RPSA2: variants seen among roughly 807,000 people sequenced by gnomAD.
The protein encoded by RPSA2 is small ribosomal subunit protein uS2B.
chr19:23,767,608 G>C, the RPSA2 span, among the ~76,000 whole-genome samples: 5 of 152,174 alleles, frequency 3.3e-5, no homozygotes, highest in African/African-American at 1.2e-4. Flanking sequence ...TGGTCACTGA[G>C]TAATTTAATA....
At chr19:23,761,122 C>T in the RPSA2 span, among the ~76,000 whole-genome samples, 2 of 151,418 alleles carry the variant, frequency 1.3e-5, no homozygotes, top group African/African-American at 4.9e-5. Flanking sequence ...AGGTCTCACT[C>T]TGTCATCCAG....
At chr19:23,761,028 CACAT>C in the RPSA2 span, among the ~76,000 whole-genome samples, 5 of 1,336 alleles carry the variant, frequency 3.7e-3, no homozygotes, top group Non-Finnish European at 0.016. Flanking sequence ...TATATATATA[CACAT>C]ATATATAGGG....
the RPSA2 span, among the ~76,000 whole-genome samples, chr19:23,797,763 G>T: frequency 1.3e-5 from 2 of 152,146 alleles, no homozygotes; most frequent in Non-Finnish European, 2.9e-5. Flanking sequence ...ATGAACCCAT[G>T]AATTTTATAT....
chr19:23,778,995 CTTTTTTT>C, the RPSA2 span, among the ~76,000 whole-genome samples: 1 of 80,696 alleles, frequency 1.2e-5, no homozygotes, highest in Non-Finnish European at 2.1e-5. Context: ...TTTTGTGACA[CTTTTTTT>C]TTTTTTTTTT....
At chr19:23,846,248 T>C in the RPSA2 span, among the ~76,000 whole-genome samples, 2 of 152,194 alleles carry the variant, frequency 1.3e-5, no homozygotes, top group African/African-American at 2.4e-5. Context: ...CACAGTTGGA[T>C]CATTTTTTCT....
chr19:23,838,108 C>T, the RPSA2 span, among the ~76,000 whole-genome samples: 1 of 152,074 alleles, frequency 6.6e-6, no homozygotes, highest in Non-Finnish European at 1.5e-5. Flanking sequence ...TTACATTAAG[C>T]TGTGTCCTTT....
chr19:23,819,855 G>A, the RPSA2 span, among the ~76,000 whole-genome samples: 1 of 152,102 alleles, frequency 6.6e-6, no homozygotes, highest in African/African-American at 2.4e-5. Flanking sequence ...CTTTTTCTGA[G>A]CTCTGTGGCC....
At chr19:23,763,258 G>A in the RPSA2 span, 2 of 152,528 alleles carry the variant, frequency 1.3e-5, no homozygotes, top group African/African-American at 4.8e-5. Context: ...CTCCGTCCCA[G>A]GCCCCTCTGG....
chr19:23,758,616 T>C, the RPSA2 span: 2 of 1,367,848 alleles, frequency 1.5e-6, no homozygotes, highest in Non-Finnish European at 2.1e-6. Flanking sequence ...CGCCATCTTA[T>C]GGTCCAAGTG....
the RPSA2 span, chr19:23,819,149 G>C: frequency 6.6e-6 from 1 of 152,202 alleles, no homozygotes; most frequent in African/African-American, 2.4e-5. Context: ...AAAGTTTCCA[G>C]ACGTAAGATT....
the RPSA2 span, among the ~76,000 whole-genome samples, chr19:23,779,503 C>T: frequency 6.6e-6 from 1 of 152,176 alleles, no homozygotes; most frequent in Non-Finnish European, 1.5e-5. Flanking sequence ...TCACATGGAT[C>T]ATAAGCATGG....
At chr19:23,831,922 TCA>T in the RPSA2 span, 18 of 310,490 alleles carry the variant, frequency 5.8e-5, 1 homozygote, top group African/African-American at 3.3e-4. Context: ...TTGCATGCTT[TCA>T]CACAAAACCC....
chr19:23,790,290 C>T, the RPSA2 span, among the ~76,000 whole-genome samples: 1 of 152,154 alleles, frequency 6.6e-6, no homozygotes, highest in Non-Finnish European at 1.5e-5. Flanking sequence ...AGCCGCTGGA[C>T]CCGGCCTGAT....
the RPSA2 span, among the ~76,000 whole-genome samples, chr19:23,762,561 A>G: frequency 6.6e-6 from 1 of 151,592 alleles, no homozygotes; most frequent in African/African-American, 2.4e-5. Flanking sequence ...CTGTAATCCC[A>G]GCTACTCGGG....
the RPSA2 span, among the ~76,000 whole-genome samples, chr19:23,865,504 G>C: frequency 1.3e-5 from 2 of 152,024 alleles, no homozygotes; most frequent in African/African-American, 2.4e-5. Flanking sequence ...TACTGCTGCT[G>C]TCTCTTTATT....
At chr19:23,857,916 G>A in the RPSA2 span, among the ~76,000 whole-genome samples, 148,906 of 152,214 alleles carry the variant, frequency 0.98, 72,926 homozygotes, top group Middle Eastern at 1. Flanking sequence ...GTATTTCTGC[G>A]TCTTTATACT....
At chr19:23,761,901 A>ATCCTTCCTTCCTTCCTCCC in the RPSA2 span, among the ~76,000 whole-genome samples, 1 of 34,016 alleles carries the variant, frequency 2.9e-5, no homozygotes, top group African/African-American at 9.6e-5. Context: ...GGGTAACGTA[A>ATCCTTCCTTCCTTCCTCCC]TTCTTTCTTT....
the RPSA2 span, among the ~76,000 whole-genome samples, chr19:23,865,796 T>G: frequency 6.6e-6 from 1 of 152,294 alleles, no homozygotes; most frequent in Non-Finnish European, 1.5e-5. Flanking sequence ...ATCCACCACA[T>G]TTTTGACATG....
chr19:23,825,058 C>G, the RPSA2 span, among the ~76,000 whole-genome samples: 2 of 152,020 alleles, frequency 1.3e-5, no homozygotes, highest in Non-Finnish European at 2.9e-5. Flanking sequence ...CAGCTCATGG[C>G]AAACTCTGTC....
Sources: gnomAD v4.1 joint callset for allele counts (sites outside exome capture counted in the v4.1 genomes callset) on GRCh38, gnomAD v4.1.1 for gene constraint, MANE v1.5 for transcripts, NCBI Gene and HGNC (gene_info 2026-07-23, HGNC 2026-07-21) for gene names.